Variants in ULK4 observed in about 807,000 individuals in gnomAD.
ULK4 encodes the protein inactive serine/threonine-protein kinase ULK4.
ULK4 carries 133 observed loss-of-function variants against 160.6 expected under a neutral mutation model. The ratio of observed to expected loss-of-function variants is 0.83; its 90% confidence interval spans 0.72 to 0.96. The LOEUF (loss-of-function observed/expected upper bound fraction) is 0.96. Among genes scored for constraint, ULK4 ranks in the 40% least tolerant of loss-of-function variants. The probability of loss-of-function intolerance (pLI) is 0.00; values close to 1 mark genes in which losing one functional copy is unlikely to be tolerated. For synonymous variants in ULK4, 534 were observed against 539.8 expected (o/e 0.99, Z 0.15); for missense variants, 1,580 against 1,499.5 (o/e 1.05, Z -0.89).
intron 35 of ULK4, among the ~76,000 whole-genome samples, chr3:41,285,347 A>T (rs1362640392): frequency 6.6e-6 from 1 of 152,270 alleles, no homozygotes; most frequent in African/African-American, 2.4e-5. Context: ...CCAAATGCCC[A>T]TCAATCAACG....
chr3:41,455,070 T>C (rs1559615116), intron 34 of ULK4, among the ~76,000 whole-genome samples: 2 of 152,178 alleles, frequency 1.3e-5, no homozygotes, highest in East Asian at 3.9e-4. Flanking sequence ...ATTTTGCTTA[T>C]TTCATTCCAT....
intron 2 of ULK4, among the ~76,000 whole-genome samples, chr3:41,947,738 CT>C (rs1700155142): frequency 6.6e-6 from 1 of 152,158 alleles, no homozygotes; most frequent in East Asian, 1.9e-4. Flanking sequence ...GCTAAGACCC[CT>C]AAAAAGCAGG....
chr3:41,583,918 G>C (rs1025567556), intron 31 of ULK4, among the ~76,000 whole-genome samples: 1 of 152,200 alleles, frequency 6.6e-6, no homozygotes, highest in African/African-American at 2.4e-5. Context: ...TCTGGTCTCT[G>C]CAGAGAACAG....
At position 41,566,091 on chromosome 3, in the gene ULK4, C is replaced by T. The variant is rs1328628570; in HGVS notation, c.3160G>A (p.Val1054Met). 1.9e-6 allele frequency: 3 copies of T among 1,613,796 alleles called. No individual in the cohort carries two copies. Among genetic ancestry groups the T allele is most frequent in the Non-Finnish European group, 2.5e-6 (3 of 1,179,938 alleles). ...ACTAGATTGCTGAGTAATGCAATCA[C>T]ACTTTGCATGGTATTACCCAGAATG... ...ESILGNTMQS[V>M]IALLSNLVAC... Residue 1054 changes from valine to methionine, a missense_variant, in exon 32 of 37, where the codon GTG becomes ATG. Physicochemically the swap from Val to Met is conservative, Grantham distance 21 (BLOSUM62 1). Transcript: ENST00000301831.
At chr3:41,408,287 G>A (rs2082335625) in intron 34 of ULK4, among the ~76,000 whole-genome samples, 1 of 151,530 alleles carries the variant, frequency 6.6e-6, no homozygotes, top group Admixed American at 6.6e-5. Context: ...AATTAGCTGG[G>A]CATGGTGGCG....
At chr3:41,643,445 G>C (rs1218760747) in intron 30 of ULK4, among the ~76,000 whole-genome samples, 3 of 152,184 alleles carry the variant, frequency 2.0e-5, no homozygotes, top group African/African-American at 2.4e-5. Flanking sequence ...TTATTAAATA[G>C]GAAATCCTTT....
intron 35 of ULK4, among the ~76,000 whole-genome samples, chr3:41,320,668 G>A (rs2080228828): frequency 9.0e-6 from 1 of 110,852 alleles, no homozygotes; most frequent in Non-Finnish European, 1.9e-5. Context: ...TGTAATCCCA[G>A]CACTTTGAGA....
chr3:41,414,325 GAT>G (rs2082478492), intron 34 of ULK4, among the ~76,000 whole-genome samples: 1 of 152,146 alleles, frequency 6.6e-6, no homozygotes, highest in African/African-American at 2.4e-5. Context: ...TGGGAGAGAT[GAT>G]ATATAAGTGA....
At chr3:41,648,304 C>G (rs984611518) in intron 30 of ULK4, among the ~76,000 whole-genome samples, 5 of 152,174 alleles carry the variant, frequency 3.3e-5, no homozygotes, top group Non-Finnish European at 7.3e-5. Context: ...ACGCTGGGAG[C>G]TGTAGACCGG....
At position 41,366,548 on chromosome 3, in the gene ULK4, T is replaced by TATACACACAC. The variant is rs1553648975; in HGVS notation, c.3678+31530_3678+31531insGTGTGTGTAT. Among the ~76,000 whole-genome samples, 372 of 148,786 alleles carry TATACACACAC rather than the reference T, an allele frequency of 2.5e-3. 1 individual carries two copies. The highest frequency in any genetic ancestry group is 9.7e-3 in the South Asian group (45 of 4,618). On this transcript the variant is annotated intron_variant, in intron 35 of 36. Transcript: ENST00000301831. ...AACACCTGTATTTGGAAAATATGGCTACACACACACACACACACACACACA... is the reference window on the plus strand; with the variant it reads ...AACACCTGTATTTGGAAAATATGGCTATACACACACACACACACACACACACACACACACA...
chr3:41,654,579 T>A (rs2034861611), intron 30 of ULK4, among the ~76,000 whole-genome samples: 1 of 152,144 alleles, frequency 6.6e-6, no homozygotes, highest in African/African-American at 2.4e-5. Flanking sequence ...AATCCTAAAA[T>A]CAAGGCAGAG....
intron 17 of ULK4, among the ~76,000 whole-genome samples, chr3:41,853,567 G>T (rs2042265482): frequency 6.6e-6 from 1 of 152,148 alleles, no homozygotes; most frequent in Admixed American, 6.5e-5. Flanking sequence ...ACTGCCACAG[G>T]ATTTTTTGTT....
At chr3:41,930,559 A>G (rs1274050195) in intron 5 of ULK4, among the ~76,000 whole-genome samples, 1 of 152,218 alleles carries the variant, frequency 6.6e-6, no homozygotes, top group Non-Finnish European at 1.5e-5. Flanking sequence ...GACAACTTAC[A>G]GAATGGGAGA....
At chr3:41,670,159 A>G (rs1012938100) in intron 29 of ULK4, among the ~76,000 whole-genome samples, 7 of 152,188 alleles carry the variant, frequency 4.6e-5, no homozygotes, top group East Asian at 1.9e-4. Flanking sequence ...ATGTGTGTGG[A>G]AAGAGATATT....
intron 29 of ULK4, among the ~76,000 whole-genome samples, chr3:41,664,800 T>C (rs1030009287): frequency 2.6e-5 from 4 of 152,196 alleles, no homozygotes; most frequent in Admixed American, 2.6e-4. Flanking sequence ...CTGCACAGCA[T>C]TCTTATTATT....
At chr3:41,714,736 G>A (rs962714452) in intron 25 of ULK4, among the ~76,000 whole-genome samples, 2 of 151,896 alleles carry the variant, frequency 1.3e-5, no homozygotes, top group South Asian at 2.1e-4. Context: ...ATCATAAGAA[G>A]AGACACTGTG....
intron 1 of ULK4, 145 bp downstream of exon 1, chr3:41,961,871 G>C (rs577934381): frequency 1.3e-5 from 2 of 152,824 alleles, no homozygotes; most frequent in African/African-American, 4.8e-5. Flanking sequence ...GGGAGCGCAG[G>C]GGGTACGGGG....
intron 35 of ULK4, among the ~76,000 whole-genome samples, chr3:41,339,931 G>T (rs2080646574): frequency 6.6e-6 from 1 of 152,140 alleles, no homozygotes; most frequent in Admixed American, 6.5e-5. Context: ...AGAGGCGCTT[G>T]TTACAAAGAA....
chr3:41,754,301 C>A, intron 22 of ULK4, 60 bp downstream of exon 22: 14 of 1,553,662 alleles, frequency 9.0e-6, no homozygotes, highest in Non-Finnish European at 1.1e-5. Flanking sequence ...TACCCTACAA[C>A]TACTAATACA....
Sources: allele counts gnomAD v4.1 joint callset (sites outside exome capture counted in the v4.1 genomes callset), GRCh38; gene constraint gnomAD v4.1.1; transcripts MANE v1.5; gene names NCBI Gene and HGNC (gene_info 2026-07-23, HGNC 2026-07-21).